Variants in SORCS1 observed in about 807,000 individuals in gnomAD.
The protein encoded by SORCS1 is sortilin related VPS10 domain containing receptor 1.
A neutral mutation model predicts 146.1 loss-of-function variants in SORCS1; 60 were observed. The observed-to-expected ratio is 0.41, with a 90% CI of 0.33 to 0.51. SORCS1 has a LOEUF of 0.51. Among genes scored for constraint, SORCS1 ranks in the 20% least tolerant of loss-of-function variants. The pLI is 0.21. For synonymous variants in SORCS1, 637 were observed against 584.0 expected (o/e 1.09, Z -1.31); for missense variants, 1,352 against 1,487.6 (o/e 0.91, Z 1.50).
At chr10:106,850,021 G>A (rs1949485322) in intron 2 of SORCS1, among the ~76,000 whole-genome samples, 2 of 152,168 alleles carry the variant, frequency 1.3e-5, no homozygotes, top group South Asian at 4.1e-4. Flanking sequence ...AGTCTGCAGA[G>A]TTTACTGCTG....
chr10:106,911,548 T>G (rs1451041140), intron 2 of SORCS1, among the ~76,000 whole-genome samples: 5 of 152,112 alleles, frequency 3.3e-5, no homozygotes, highest in Non-Finnish European at 7.4e-5. Flanking sequence ...GAACTCAGTA[T>G]TGGGCAGCGT....
intron 1 of SORCS1, among the ~76,000 whole-genome samples, chr10:107,059,746 C>G (rs1010256710): frequency 6.6e-6 from 1 of 152,034 alleles, no homozygotes; most frequent in Non-Finnish European, 1.5e-5. Flanking sequence ...GTAATGAATT[C>G]TGTAAAATGA....
At chr10:106,956,406 G>A in intron 2 of SORCS1, 107 bp downstream of exon 2, 1 of 931,938 alleles carries the variant, frequency 1.1e-6, no homozygotes, top group Non-Finnish European at 1.7e-6. Context: ...AAAGCAAGCA[G>A]TGCATATCAC....
intron 1 of SORCS1, among the ~76,000 whole-genome samples, chr10:107,085,575 T>G (rs1192240345): frequency 6.6e-6 from 1 of 152,186 alleles, no homozygotes; most frequent in Non-Finnish European, 1.5e-5. Context: ...GGGAGATAGA[T>G]GTCACTCTGA....
At chr10:106,850,897 C>A (rs558019157) in intron 2 of SORCS1, among the ~76,000 whole-genome samples, 15 of 152,308 alleles carry the variant, frequency 9.8e-5, no homozygotes, top group Admixed American at 8.5e-4. Flanking sequence ...TAGGAGTCTA[C>A]CTATCAGTAA....
intron 1 of SORCS1, among the ~76,000 whole-genome samples, chr10:107,147,649 TTATGGTA>T (rs1968444092): frequency 6.6e-6 from 1 of 152,230 alleles, no homozygotes; most frequent in Non-Finnish European, 1.5e-5. Flanking sequence ...CAGACTTTCT[TTATGGTA>T]TATCAATGCT....
At chr10:106,826,463 C>G (rs996732674) in intron 3 of SORCS1, among the ~76,000 whole-genome samples, 1 of 152,178 alleles carries the variant, frequency 6.6e-6, no homozygotes, top group African/African-American at 2.4e-5. Flanking sequence ...ATTAACAGAG[C>G]CTGAAATTTC....
At chr10:106,807,008 T>A (rs1007190990) in intron 3 of SORCS1, among the ~76,000 whole-genome samples, 12 of 152,302 alleles carry the variant, frequency 7.9e-5, no homozygotes, top group African/African-American at 2.4e-4. Context: ...AAAGCACATA[T>A]GTTCACCATC....
intron 15 of SORCS1, among the ~76,000 whole-genome samples, chr10:106,672,456 G>A (rs1403448048): frequency 1.3e-5 from 2 of 152,052 alleles, no homozygotes; most frequent in East Asian, 1.9e-4. Flanking sequence ...GGATTTCTCC[G>A]GCAACACTCA....
chr10:106,652,552 A>G lies in SORCS1; in HGVS notation c.2305T>C (p.Tyr769His), dbSNP rs1474669968. The change falls in exon 18 of 26, where the codon TAC becomes CAC. Residue 769 changes from tyrosine to histidine, a missense_variant and splice_region_variant. Around this residue, in one of 3 missense-constraint regions of SORCS1, gnomAD observed 648 missense variants for 793.8 expected, o/e 0.82. Coordinates refer to ENST00000263054, the MANE Select transcript of SORCS1 (RefSeq NM_052918.5). The part of the protein sequence containing the change: ...LGQSYLNSTG[Y>H]RKVVSNNCTD... ...CAATTATTGGAAACCACCTTCCTGT[A>G]CCTAAATGGAAAAAAGCTCAAGTCG... 6.2e-7 allele frequency: 1 copy of G among 1,611,040 alleles called. No homozygotes were observed. Among genetic ancestry groups the G allele is most frequent in the Non-Finnish European group, 8.5e-7 (1 of 1,177,828 alleles).
In SORCS1 at chr10:106,801,989, C is replaced by T. The variant is rs151129934; in HGVS notation, c.727-25297G>A. On this transcript the variant is annotated intron_variant, in intron 3 of 25. Transcript: ENST00000263054. Reference sequence around the variant, plus strand: ...TCCATTATGCTATGCGGCTCCATCTCGAATTTGCAAGCATTTATTAAGTAC... The same window carrying T: ...TCCATTATGCTATGCGGCTCCATCTTGAATTTGCAAGCATTTATTAAGTAC... 4.7e-3 allele frequency among the ~76,000 whole-genome samples: 719 copies of T among 152,292 alleles called. 2 individuals carry two copies. Among genetic ancestry groups the T allele is most frequent in the Non-Finnish European group, 7.2e-3 (488 of 68,034 alleles).
chr10:107,045,360 T>A (rs953434817), intron 1 of SORCS1, among the ~76,000 whole-genome samples: 1 of 152,120 alleles, frequency 6.6e-6, no homozygotes, highest in African/African-American at 2.4e-5. Context: ...TTGCTGCAAA[T>A]AGGAAATTGC....
rs60801871 is a variant in SORCS1 at position 106,726,359 on chromosome 10, CAAAAAAAAAAAAAAA to C, written c.1024+3676_1024+3690del. Among the ~76,000 whole-genome samples, 53 of 43,606 alleles carry C rather than the reference CAAAAAAAAAAAAAAA, an allele frequency of 1.2e-3. 1 individual carries two copies. In the East Asian group the frequency reaches 0.038, roughly 31 times the overall value. The allele number at this position is 43,606 out of a possible 152,430, so 28.6% of individuals were successfully genotyped here. A position where few individuals can be genotyped will look rare whatever the true frequency, so the allele number is the denominator to read the frequency against. On this transcript the variant is annotated intron_variant, in intron 6 of 25. Coordinates refer to ENST00000263054, the MANE Select transcript of SORCS1 (RefSeq NM_052918.5). ...ATAGTTTCTGAAGATGCTGCCTTCGCAAAAAAAAAAAAAAAAAAAAAAAAAAAAAGTAAAATAAAT... is the reference window on the plus strand; with the variant it reads ...ATAGTTTCTGAAGATGCTGCCTTCGCAAAAAAAAAAAAAAGTAAAATAAAT...
intron 2 of SORCS1, among the ~76,000 whole-genome samples, chr10:106,838,232 G>T: frequency 6.6e-6 from 1 of 152,120 alleles, no homozygotes; most frequent in East Asian, 1.9e-4. Context: ...GGGACACTAG[G>T]GTGGTGACTC....
At chr10:106,882,692 C>T (rs939284882) in intron 2 of SORCS1, among the ~76,000 whole-genome samples, 5 of 152,156 alleles carry the variant, frequency 3.3e-5, no homozygotes, top group Admixed American at 2.0e-4. Flanking sequence ...CACACACAAT[C>T]TATTTGTGTG....
chr10:106,893,702 G>A (rs1951328704), intron 2 of SORCS1, among the ~76,000 whole-genome samples: 1 of 152,050 alleles, frequency 6.6e-6, no homozygotes, highest in South Asian at 2.1e-4. Flanking sequence ...TTCTTTTGTA[G>A]AAGATTCACA....
At chr10:107,021,501 G>A (rs1016457220) in intron 1 of SORCS1, among the ~76,000 whole-genome samples, 10 of 96,850 alleles carry the variant, frequency 1.0e-4, no homozygotes, top group African/African-American at 2.2e-4. Flanking sequence ...GCAACAGAGC[G>A]ACACTCCGTC....
chr10:106,888,740 A>T (rs1164767475), intron 2 of SORCS1, among the ~76,000 whole-genome samples: 22 of 152,232 alleles, frequency 1.4e-4, no homozygotes, highest in Non-Finnish European at 3.1e-4. Flanking sequence ...AAATATAACC[A>T]ACAGTGCAAA....
chr10:106,984,595 G>T (rs757893831), intron 1 of SORCS1, among the ~76,000 whole-genome samples: 2 of 151,544 alleles, frequency 1.3e-5, no homozygotes, highest in Admixed American at 6.6e-5. Flanking sequence ...GGGTTTCACC[G>T]TGTTAGCCAG....
Sources: gnomAD v4.1 joint callset for allele counts (sites outside exome capture counted in the v4.1 genomes callset) on GRCh38, gnomAD v4.1.1 for gene constraint, gnomAD v4.1.1 regional missense constraint, MANE v1.5 for transcripts, NCBI Gene and HGNC (gene_info 2026-07-23, HGNC 2026-07-21) for gene names.